The following PLCB4 variants were observed in gnomAD, a reference collection of about 807,000 sequenced individuals.
PLCB4 encodes the protein 1-phosphatidylinositol 4,5-bisphosphate phosphodiesterase beta-4.
In PLCB4, 77 loss-of-function variants were observed where a neutral mutation model predicts 178.8. That is an observed-to-expected ratio of 0.43 (90% CI 0.36 to 0.52). The LOEUF is 0.52. PLCB4 is among the 20% of genes least tolerant of loss of function. The probability of loss-of-function intolerance (pLI) is 0.00; values close to 1 mark genes in which losing one functional copy is unlikely to be tolerated. For synonymous variants in PLCB4, 496 were observed against 490.8 expected (o/e 1.01, Z -0.14); for missense variants, 1,024 against 1,453.4 (o/e 0.70, Z 4.80).
chr20:9,261,304 A>G (rs957224384), intron 3 of PLCB4, among the ~76,000 whole-genome samples: 2 of 152,114 alleles, frequency 1.3e-5, no homozygotes, highest in Admixed American at 1.3e-4. Context: ...CATTGAAAAG[A>G]TTTTAGGAAA....
At chr20:9,215,826 CTG>C (rs1003871056) in intron 2 of PLCB4, among the ~76,000 whole-genome samples, 1 of 152,148 alleles carries the variant, frequency 6.6e-6, no homozygotes, top group Admixed American at 6.5e-5. Flanking sequence ...ATATATATGT[CTG>C]TGTATTTACA....
chr20:9,290,064 C>T lies in PLCB4; in HGVS notation c.-15-17736C>T, dbSNP rs184430058. Among the ~76,000 whole-genome samples, 11 of 151,968 alleles carry T rather than the reference C, an allele frequency of 7.2e-5. No individual in the cohort carries two copies. In the East Asian group the frequency reaches 1.9e-3, roughly 27 times the overall value. ...CTTGCCTAATGAGAATGTCATCCTC[C>T]TGGTCTCCAGGTCAGGCCGTTGAGT... On this transcript the variant is annotated intron_variant, in intron 3 of 39. Transcript: ENST00000378473.
chr20:9,320,864 G>A (rs1204413584), intron 4 of PLCB4, among the ~76,000 whole-genome samples: 1 of 152,146 alleles, frequency 6.6e-6, no homozygotes, highest in African/African-American at 2.4e-5. Context: ...CAGACCTACA[G>A]AATCAGAAAC....
intron 2 of PLCB4, among the ~76,000 whole-genome samples, chr20:9,195,695 T>A (rs1333589477): frequency 2.6e-5 from 4 of 152,162 alleles, no homozygotes; most frequent in African/African-American, 9.7e-5. Context: ...TTTGGACTCT[T>A]ATTGAATTAC....
intron 17 of PLCB4, among the ~76,000 whole-genome samples, chr20:9,391,539 G>A (rs1407799042): frequency 6.6e-6 from 1 of 152,168 alleles, no homozygotes; most frequent in Non-Finnish European, 1.5e-5. Context: ...CTTTTCAGAA[G>A]TGTGTCTATG....
At chr20:9,459,889 G>A in intron 35 of PLCB4, 79 bp downstream of exon 35, 1 of 883,584 alleles carries the variant, frequency 1.1e-6, no homozygotes, top group Admixed American at 2.5e-5. Flanking sequence ...AGAGAGCCAA[G>A]GTAATAAGTG....
chr20:9,068,837 G>C (rs1453400636), upstream of PLCB4: 1 of 151,532 alleles, frequency 6.6e-6, no homozygotes, highest in East Asian at 2.0e-4. Context: ...GGCGGTGGGC[G>C]GGCGGGTCGG....
At chr20:9,165,883 C>G (rs1184669632) in intron 2 of PLCB4, among the ~76,000 whole-genome samples, 1 of 151,390 alleles carries the variant, frequency 6.6e-6, no homozygotes, top group Non-Finnish European at 1.5e-5. Flanking sequence ...GTTATACCAA[C>G]AGGACAAAAG....
chr20:9,118,420 TAAA>T (rs889496848), intron 2 of PLCB4, among the ~76,000 whole-genome samples: 1 of 150,382 alleles, frequency 6.6e-6, no homozygotes, highest in Non-Finnish European at 1.5e-5. Context: ...TTTAAAAAGT[TAAA>T]AAAAAAGAAA....
chr20:9,334,727 G>A (rs753440817), intron 4 of PLCB4, among the ~76,000 whole-genome samples: 23 of 152,068 alleles, frequency 1.5e-4, no homozygotes, highest in Non-Finnish European at 3.1e-4. Context: ...GAACTGGTGC[G>A]TAGTGAGAGA....
chr20:9,412,493 G>GA lies in PLCB4; in HGVS notation c.2051+1413dup, dbSNP rs199590728. ...CGCACAGGGTTTGTTGTACTCAAAG[G>GA]AAAAAAAATGTCTTTTTTCTAGAAC... On this transcript the variant is annotated intron_variant, in intron 25 of 39. Coordinates refer to ENST00000378473, the MANE Select transcript of PLCB4 (RefSeq NM_001377142.1). 7.7e-4 allele frequency among the ~76,000 whole-genome samples: 117 copies of GA among 151,620 alleles called. 1 individual carries two copies. In the Middle Eastern group the frequency reaches 0.024, roughly 31 times the overall value.
chr20:9,467,751 A>G (rs2043894249), intron 35 of PLCB4, among the ~76,000 whole-genome samples: 1 of 152,214 alleles, frequency 6.6e-6, no homozygotes, highest in Non-Finnish European at 1.5e-5. Flanking sequence ...TCTCCAGTTC[A>G]GTATTGCCCA....
chr20:9,291,806 A>C (rs751842285), intron 3 of PLCB4, among the ~76,000 whole-genome samples: 1 of 152,164 alleles, frequency 6.6e-6, no homozygotes, highest in Non-Finnish European at 1.5e-5. Flanking sequence ...GTGTGGATGA[A>C]CATATGAAGA....
chr20:9,082,120 T>C (rs2090183242), intron 1 of PLCB4, among the ~76,000 whole-genome samples: 1 of 152,076 alleles, frequency 6.6e-6, no homozygotes, highest in South Asian at 2.1e-4. Flanking sequence ...GAAAAAAAAT[T>C]TCTTATTTCA....
intron 2 of PLCB4, among the ~76,000 whole-genome samples, chr20:9,144,702 AGG>A: frequency 3.0e-5 from 1 of 33,848 alleles, no homozygotes; most frequent in Non-Finnish European, 5.6e-5. Flanking sequence ...GAGGGGAAGG[AGG>A]GGAAGAAGGG....
intron 17 of PLCB4, among the ~76,000 whole-genome samples, chr20:9,393,351 G>C (rs532219311): frequency 2.0e-5 from 3 of 152,200 alleles, no homozygotes; most frequent in Non-Finnish European, 4.4e-5. Context: ...GGAGGTTGGA[G>C]CAGCTCTGCA....
chr20:9,188,172 A>T (rs995445177), intron 2 of PLCB4, among the ~76,000 whole-genome samples: 2 of 152,256 alleles, frequency 1.3e-5, no homozygotes, highest in Admixed American at 6.5e-5. Flanking sequence ...AGTGTGCCAG[A>T]TGGTAATGTG....
intron 3 of PLCB4, among the ~76,000 whole-genome samples, chr20:9,290,402 G>T (rs1568531350): frequency 6.6e-6 from 1 of 152,122 alleles, no homozygotes; most frequent in Non-Finnish European, 1.5e-5. Context: ...GAACTCTTTG[G>T]AATCGCTTCA....
intron 32 of PLCB4, among the ~76,000 whole-genome samples, chr20:9,447,046 T>C (rs1284122931): frequency 1.3e-5 from 2 of 152,238 alleles, no homozygotes; most frequent in Admixed American, 1.3e-4. Flanking sequence ...CTAACACTGA[T>C]TTTTCTGTCA....
Sources: allele counts gnomAD v4.1 joint callset (sites outside exome capture counted in the v4.1 genomes callset), GRCh38; gene constraint gnomAD v4.1.1; transcripts MANE v1.5; gene names NCBI Gene and HGNC (gene_info 2026-07-23, HGNC 2026-07-21).